C13orf42: variants seen among roughly 807,000 people sequenced by gnomAD.
C13orf42 encodes the protein chromosome 13 open reading frame 42.
At chr13:51,163,270 C>T (rs1381449110) in intron 1 of C13orf42, among the ~76,000 whole-genome samples, 1 of 152,128 alleles carries the variant, frequency 6.6e-6, no homozygotes, top group Non-Finnish European at 1.5e-5. Context: ...TCACGTATGC[C>T]TTTAATTTTA....
At chr13:51,153,245 G>T (rs1462242639) in intron 1 of C13orf42, among the ~76,000 whole-genome samples, 2 of 151,894 alleles carry the variant, frequency 1.3e-5, no homozygotes, top group Non-Finnish European at 2.9e-5. Context: ...CCTTTTTCCT[G>T]CTCCCTCCAT....
chr13:51,149,733 A>T (rs1161555998), intron 1 of C13orf42, among the ~76,000 whole-genome samples: 1 of 152,214 alleles, frequency 6.6e-6, no homozygotes, highest in East Asian at 1.9e-4. Flanking sequence ...AGTTCGGGAA[A>T]CAGTTATATC....
chr13:51,133,705 G>A (rs1054622822), intron 1 of C13orf42, among the ~76,000 whole-genome samples: 1 of 152,176 alleles, frequency 6.6e-6, no homozygotes, highest in African/African-American at 2.4e-5. Flanking sequence ...GCACTGTTCT[G>A]TGTGCACTGA....
chr13:51,109,368 C>T (rs1226293870), intron 1 of C13orf42, among the ~76,000 whole-genome samples: 2 of 152,170 alleles, frequency 1.3e-5, no homozygotes, highest in Non-Finnish European at 2.9e-5. Context: ...GGGAGACAGG[C>T]CTGCTTCAAA....
At chr13:51,164,113 G>A (rs528081103) in intron 1 of C13orf42, among the ~76,000 whole-genome samples, 3 of 152,308 alleles carry the variant, frequency 2.0e-5, no homozygotes, top group Non-Finnish European at 2.9e-5. Flanking sequence ...CGCCACACAG[G>A]CAGCGTACGG....
intron 1 of C13orf42, among the ~76,000 whole-genome samples, chr13:51,131,164 G>A (rs949567611): frequency 2.6e-5 from 4 of 152,094 alleles, no homozygotes; most frequent in African/African-American, 9.7e-5. Flanking sequence ...TACAGCTTTT[G>A]ACAATTAAGT....
chr13:51,107,681 A>T (rs971189254), intron 1 of C13orf42, among the ~76,000 whole-genome samples: 1 of 152,190 alleles, frequency 6.6e-6, no homozygotes, highest in Non-Finnish European at 1.5e-5. Context: ...AAGACATCAG[A>T]CTTTTAAAGG....
At chr13:51,151,210 A>C (rs2138038526) in intron 1 of C13orf42, among the ~76,000 whole-genome samples, 1 of 152,338 alleles carries the variant, frequency 6.6e-6, no homozygotes, top group South Asian at 2.1e-4. Flanking sequence ...AATCAGGTTA[A>C]GATGGGGGGA....
chr13:51,164,314 C>T (rs1283459096), intron 1 of C13orf42, among the ~76,000 whole-genome samples: 1 of 152,182 alleles, frequency 6.6e-6, no homozygotes, highest in African/African-American at 2.4e-5. Context: ...TAGCCTAATG[C>T]TCTGCACAAG....
intron 1 of C13orf42, among the ~76,000 whole-genome samples, chr13:51,141,024 A>T (rs545419786): frequency 1.1e-4 from 17 of 151,310 alleles, no homozygotes; most frequent in Admixed American, 2.0e-4. Context: ...GATTAAAAAA[A>T]ATTTTTTTTT....
chr13:51,091,437 T>C (rs1194046773), intron 1 of C13orf42, among the ~76,000 whole-genome samples: 3 of 152,166 alleles, frequency 2.0e-5, no homozygotes. Context: ...CATAAACAAA[T>C]GTAAGTGAAT....
At chr13:51,167,190 C>G (rs1953909413) in intron 1 of C13orf42, among the ~76,000 whole-genome samples, 1 of 152,062 alleles carries the variant, frequency 6.6e-6, no homozygotes. Context: ...TCCAGGAAAC[C>G]CATCAGTAGT....
intron 1 of C13orf42, among the ~76,000 whole-genome samples, chr13:51,106,239 A>G (rs1953354407): frequency 1.3e-5 from 2 of 152,234 alleles, no homozygotes; most frequent in Admixed American, 1.3e-4. Context: ...ACTTCCTTTC[A>G]GCCAGGTTTC....
At chr13:51,129,162 G>A (rs1486773787) in intron 1 of C13orf42, among the ~76,000 whole-genome samples, 4 of 152,210 alleles carry the variant, frequency 2.6e-5, no homozygotes, top group Non-Finnish European at 5.9e-5. Context: ...AGTGTGAGCT[G>A]CTCAGGGCCA....
intron 1 of C13orf42, among the ~76,000 whole-genome samples, chr13:51,107,314 TA>T (rs991241265): frequency 2.6e-5 from 4 of 151,796 alleles, no homozygotes; most frequent in African/African-American, 7.3e-5. Context: ...ACAATTTTTT[TA>T]AAAAAAAATT....
At chr13:51,168,819 G>T (rs887833793) in intron 1 of C13orf42, among the ~76,000 whole-genome samples, 1 of 152,168 alleles carries the variant, frequency 6.6e-6, no homozygotes, top group African/African-American at 2.4e-5. Flanking sequence ...TAGTGAGTGA[G>T]TTCTCATGAG....
upstream of C13orf42, among the ~76,000 whole-genome samples, chr13:51,113,380 G>A (rs770308634): frequency 6.6e-5 from 10 of 152,150 alleles, no homozygotes; most frequent in Non-Finnish European, 1.3e-4. Flanking sequence ...CCTCCCTCCT[G>A]GAGCTCCTAC....
chr13:51,145,708 G>C (rs3990081), intron 1 of C13orf42, among the ~76,000 whole-genome samples: 93,481 of 151,894 alleles, frequency 0.62, 29,037 homozygotes, highest in African/African-American at 0.7. Flanking sequence ...AAAGACTAAT[G>C]AGAAACTCAA....
At chr13:51,111,936 G>A (rs1953439401), upstream of C13orf42, among the ~76,000 whole-genome samples, 1 of 152,212 alleles carries the variant, frequency 6.6e-6, no homozygotes, top group African/African-American at 2.4e-5. Context: ...GGAGGCAGGA[G>A]GAGGATTCAG....
Sources: allele counts gnomAD v4.1 joint callset (sites outside exome capture counted in the v4.1 genomes callset), GRCh38; gene constraint gnomAD v4.1.1; transcripts MANE v1.5; gene names NCBI Gene and HGNC (gene_info 2026-07-23, HGNC 2026-07-21).